Variants in CDKAL1 observed in about 807,000 individuals in gnomAD.
CDKAL1 encodes the protein threonylcarbamoyladenosine tRNA methylthiotransferase.
Under a neutral mutation model 68.2 loss-of-function variants are expected in CDKAL1, and 32 were observed. The observed-to-expected ratio is 0.47, with a 90% CI of 0.35 to 0.63. CDKAL1 has a LOEUF of 0.63. Ranked by LOEUF, CDKAL1 falls within the 30% of genes least tolerant of loss-of-function variation. The pLI, the probability that CDKAL1 is intolerant of heterozygous loss-of-function variation, is 0.00. For synonymous variants in CDKAL1, 234 were observed against 244.3 expected, an observed-to-expected ratio of 0.96 and a Z score of 0.39; for missense variants, 606 against 696.7, an observed-to-expected ratio of 0.87 and a Z score of 1.47.
intron 4 of CDKAL1, among the ~76,000 whole-genome samples, chr6:20,626,450 C>T (rs1767435588): frequency 6.6e-6 from 1 of 152,068 alleles, no homozygotes; most frequent in Admixed American, 6.6e-5. Flanking sequence ...GAATATATAA[C>T]ATGTAATGTC....
chr6:21,026,479 G>A (rs1355306376), intron 11 of CDKAL1, among the ~76,000 whole-genome samples: 3 of 151,974 alleles, frequency 2.0e-5, no homozygotes, highest in Non-Finnish European at 2.9e-5. Flanking sequence ...GAAACTCTGA[G>A]GTTCACCTTT....
intron 13 of CDKAL1, among the ~76,000 whole-genome samples, chr6:21,112,532 A>G (rs1340591896): frequency 6.6e-6 from 1 of 152,214 alleles, no homozygotes; most frequent in Non-Finnish European, 1.5e-5. Context: ...TTTTCTGCAT[A>G]TACATGTCAG....
At chr6:20,867,394 T>G in intron 9 of CDKAL1, among the ~76,000 whole-genome samples, 1 of 152,224 alleles carries the variant, frequency 6.6e-6, no homozygotes, top group African/African-American at 2.4e-5. Flanking sequence ...TTTTGGTCAT[T>G]TTCTAACATG....
At chr6:20,854,372 TTAAC>T (rs1469528022) in intron 9 of CDKAL1, among the ~76,000 whole-genome samples, 1 of 152,228 alleles carries the variant, frequency 6.6e-6, no homozygotes, top group Non-Finnish European at 1.5e-5. Flanking sequence ...TGGTGACTCT[TTAAC>T]TAAGGTAACT....
chr6:20,633,022 G>A (rs1246815144), intron 4 of CDKAL1, among the ~76,000 whole-genome samples: 2 of 152,182 alleles, frequency 1.3e-5, no homozygotes, highest in Non-Finnish European at 2.9e-5. Flanking sequence ...TGTGGCTCCA[G>A]CTTACCTCTA....
chr6:20,613,292 T>TTTTTG (rs1581822569), intron 4 of CDKAL1, among the ~76,000 whole-genome samples: 1 of 91,602 alleles, frequency 1.1e-5, no homozygotes, highest in Non-Finnish European at 2.1e-5. Flanking sequence ...TTTTTTTTTT[T>TTTTTG]GAGACGGAGT....
intron 4 of CDKAL1, among the ~76,000 whole-genome samples, chr6:20,568,045 T>G (rs572025932): frequency 6.6e-6 from 1 of 152,214 alleles, no homozygotes; most frequent in South Asian, 2.1e-4. Context: ...CCGGCTAATT[T>G]TTTTGTACTT....
chr6:20,954,256 G>A (rs1438431110), intron 9 of CDKAL1, among the ~76,000 whole-genome samples: 1 of 152,058 alleles, frequency 6.6e-6, no homozygotes, highest in Non-Finnish European at 1.5e-5. Flanking sequence ...TATTCTGTGA[G>A]TTTTAAGTCC....
chr6:21,070,397 C>G (rs1209278176), intron 12 of CDKAL1, among the ~76,000 whole-genome samples: 1 of 32,400 alleles, frequency 3.1e-5, no homozygotes, highest in Non-Finnish European at 4.9e-5. Flanking sequence ...TTTTGTTTCT[C>G]TCTTTTTTTT....
intron 11 of CDKAL1, among the ~76,000 whole-genome samples, chr6:21,030,526 G>A (rs1404414810): frequency 6.6e-6 from 1 of 152,092 alleles, no homozygotes; most frequent in Non-Finnish European, 1.5e-5. Context: ...TCATGGAAAA[G>A]CACTGTTTGC....
chr6:20,845,653 T>G (rs1778349920), intron 8 of CDKAL1, among the ~76,000 whole-genome samples: 1 of 152,174 alleles, frequency 6.6e-6, no homozygotes, highest in South Asian at 2.1e-4. Flanking sequence ...AAAAGTTAAA[T>G]GAGTATGTGT....
intron 13 of CDKAL1, among the ~76,000 whole-genome samples, chr6:21,196,254 G>A (rs1778467647): frequency 6.6e-6 from 1 of 152,198 alleles, no homozygotes; most frequent in Non-Finnish European, 1.5e-5. Context: ...ACCATTGACA[G>A]ATACTTATCC....
At chr6:20,709,865 A>G (rs1771768587) in intron 5 of CDKAL1, among the ~76,000 whole-genome samples, 1 of 152,058 alleles carries the variant, frequency 6.6e-6, no homozygotes, top group South Asian at 2.1e-4. Context: ...CTTTCCTTGA[A>G]GACCTGAGTA....
chr6:20,644,291 T>C (rs1768331070), intron 4 of CDKAL1, among the ~76,000 whole-genome samples: 1 of 152,168 alleles, frequency 6.6e-6, no homozygotes. Flanking sequence ...CTATTGTTTG[T>C]TGATTGACTG....
rs113889119 is a variant in CDKAL1, at chr6:20,632,239, C to G, written c.287-17054C>G. 2.1e-3 allele frequency among the ~76,000 whole-genome samples: 325 copies of G among 152,280 alleles called. 2 individuals are homozygous for G. The highest frequency in any genetic ancestry group is 7.5e-3 in the African/African-American group (311 of 41,546). ...GGGCAAAATCATCTGGCAAAACAGTCCACTGTAGATTATTAGTTGTTTACC... is the reference window on the plus strand; with the variant it reads ...GGGCAAAATCATCTGGCAAAACAGTGCACTGTAGATTATTAGTTGTTTACC... On this transcript the variant is annotated intron_variant, in intron 4 of 15. Coordinates refer to ENST00000274695, the MANE Select transcript of CDKAL1 (RefSeq NM_017774.3).
At chr6:21,150,101 G>A (rs537152526) in intron 13 of CDKAL1, among the ~76,000 whole-genome samples, 43 of 152,068 alleles carry the variant, frequency 2.8e-4, no homozygotes, top group Admixed American at 4.6e-4. Flanking sequence ...CTTGTGATCC[G>A]CCCGCCTCGG....
chr6:20,647,615 A>G (rs557154399), intron 4 of CDKAL1, among the ~76,000 whole-genome samples: 85 of 152,342 alleles, frequency 5.6e-4, no homozygotes, highest in African/African-American at 1.9e-3. Flanking sequence ...CTGTTATAGG[A>G]ATTCAGAGAA....
intron 14 of CDKAL1, among the ~76,000 whole-genome samples, chr6:21,200,386 G>A (rs551926150): frequency 6.6e-6 from 1 of 152,274 alleles, no homozygotes; most frequent in African/African-American, 2.4e-5. Flanking sequence ...GAAATGAACG[G>A]CAGCTGTTAG....
At chr6:20,904,941 A>C (rs902658360) in intron 9 of CDKAL1, among the ~76,000 whole-genome samples, 1 of 152,210 alleles carries the variant, frequency 6.6e-6, no homozygotes, top group East Asian at 1.9e-4. Flanking sequence ...AAAACAAAAC[A>C]AAACCAAAAG....
Sources: allele counts gnomAD v4.1 joint callset (sites outside exome capture counted in the v4.1 genomes callset), GRCh38; gene constraint gnomAD v4.1.1; transcripts MANE v1.5; gene names NCBI Gene and HGNC (gene_info 2026-07-23, HGNC 2026-07-21).